The following POLR2I variants were observed in gnomAD, a reference collection of about 807,000 sequenced individuals.
POLR2I encodes the protein RNA polymerase II subunit I, also known as DNA-directed RNA polymerase II subunit RPB9.
In POLR2I, 15 loss-of-function variants were observed where a neutral mutation model predicts 23.0. The ratio of observed to expected loss-of-function variants is 0.65; its 90% confidence interval spans 0.44 to 1.00. The LOEUF (loss-of-function observed/expected upper bound fraction) is 1.00, where lower values mean the gene tolerates loss of function less well. Among genes scored for constraint, POLR2I ranks in the 50% least tolerant of loss-of-function variants. POLR2I has a pLI of 0.00. For missense variants in POLR2I, 120 were observed against 173.7 expected, an observed-to-expected ratio of 0.69 and a Z score of 1.74; for synonymous variants, 72 against 65.4, an observed-to-expected ratio of 1.10 and a Z score of -0.49.
rs1973900553 is a variant in POLR2I, at chr19:36,114,297, A to T, written c.188+42T>A. 6.2e-7 allele frequency: 1 copy of T among 1,612,822 alleles called. No individual in the cohort carries two copies. The highest frequency in any genetic ancestry group is 1.3e-5 in the African/African-American group (1 of 74,778). ...AAAATTACGCTCAGACCCAGCCTCC[A>T]GAGCCAACACCCCCGCCCCCAGCTC... On this transcript the variant is annotated intron_variant, in intron 3 of 5. Transcript: ENST00000221859. The surrounding 1 kb of genome is among the most constrained non-coding windows in gnomAD (Gnocchi z 4.5).
intron 5 of POLR2I, 94 bp from the exon 6 acceptor site, chr19:36,113,911 C>A: frequency 1.9e-6 from 3 of 1,575,780 alleles, no homozygotes; most frequent in Non-Finnish European, 2.6e-6. Context: ...TAGGTAAGGG[C>A]CCGGCAGAGT....
In POLR2I at chr19:36,114,153, C is replaced by T. The variant is rs758151373; in HGVS notation, c.263+24G>A. On this transcript the variant is annotated intron_variant, in intron 4 of 5. Coordinates refer to ENST00000221859, the MANE Select transcript of POLR2I (RefSeq NM_006233.5). This position sits in a 1 kb window ranked among gnomAD's most constrained non-coding sequence, Gnocchi z 4.5. ...TGAGGAGACGAGCCTCACTTTACCT[C>T]CCCAGTACCAGCTGAACGCTCACTT... The T allele has an allele frequency of 1.4e-5, 22 of 1,613,904 alleles. No homozygotes were observed. In the Admixed American group the frequency reaches 2.2e-4, roughly 16 times the overall value.
Position 36,113,718 on chromosome 19 carries a change from G to A in POLR2I, c.*37C>T. The A allele has an allele frequency of 6.2e-7, 1 of 1,606,284 alleles. No homozygotes were observed. Among genetic ancestry groups the A allele is most frequent in the Non-Finnish European group, 8.5e-7 (1 of 1,176,442 alleles). ...AATAAACACAGAAAACTCACGCATGGAATCTGGTGTTTATTACACTCGGGG... is the reference window on the plus strand; with the variant it reads ...AATAAACACAGAAAACTCACGCATGAAATCTGGTGTTTATTACACTCGGGG... On this transcript the variant is annotated 3_prime_UTR_variant, in exon 6 of 6. Transcript: ENST00000221859.
At position 36,114,094 on chromosome 19, in the gene POLR2I, A is replaced by T. The variant is rs1236057234; in HGVS notation, c.264-28T>A. 1 of 1,613,770 alleles carries T rather than the reference A, an allele frequency of 6.2e-7. No homozygotes were observed. Among genetic ancestry groups the T allele is most frequent in the South Asian group, 1.1e-5 (1 of 91,078 alleles). On this transcript the variant is annotated intron_variant, in intron 4 of 5. Coordinates refer to ENST00000221859, the MANE Select transcript of POLR2I (RefSeq NM_006233.5). The surrounding 1 kb of genome is among the most constrained non-coding windows in gnomAD (Gnocchi z 4.5). ...GAGAGGGTAGGGGCTCGGTCACCGG[A>T]GGCTTCACACCCTTCCCTCCTCCCT... is the stretch of plus-strand genomic sequence containing the variant.
chr19:36,114,516 C>T lies in POLR2I; in HGVS notation c.115-104G>A, dbSNP rs1481277179. On this transcript the variant is annotated intron_variant, in intron 2 of 5. Coordinates refer to ENST00000221859, the MANE Select transcript of POLR2I (RefSeq NM_006233.5). The surrounding 1 kb of genome is among the most constrained non-coding windows in gnomAD (Gnocchi z 4.5). The stretch of plus-strand genomic sequence containing the variant: ...CCGGAGGATATGACGACAGGACTCT[C>T]TTTGGGGATGGGCAGGACATGAGAG... 5.2e-6 allele frequency: 7 copies of T among 1,337,978 alleles called. No homozygotes were observed. The highest frequency in any genetic ancestry group is 3.5e-5 in the Admixed American group (2 of 57,196). The allele number at this position is 1,337,978 out of a possible 1,614,324, so 82.9% of individuals were successfully genotyped here. A position where few individuals can be genotyped will look rare whatever the true frequency, so the allele number is the denominator to read the frequency against.
rs1973905765 is a variant in POLR2I at position 36,114,512 on chromosome 19, C to T, written c.115-100G>A. 1 of 1,352,938 alleles carries T rather than the reference C, an allele frequency of 7.4e-7. No individual in the cohort carries two copies. Among genetic ancestry groups the T allele is most frequent in the Non-Finnish European group, 1.1e-6 (1 of 950,128 alleles). The allele number at this position is 1,352,938 out of a possible 1,614,324, so 83.8% of individuals were successfully genotyped here. ...GATCCCGGAGGATATGACGACAGGA[C>T]TCTCTTTGGGGATGGGCAGGACATG... On this transcript the variant is annotated intron_variant, in intron 2 of 5. Coordinates refer to ENST00000221859, the MANE Select transcript of POLR2I (RefSeq NM_006233.5). This position sits in a 1 kb window ranked among gnomAD's most constrained non-coding sequence, Gnocchi z 4.5.
rs758865837 is a variant in POLR2I at position 36,113,846 on chromosome 19, G to T, written c.316-29C>A. 8 of 1,611,048 alleles carry T rather than the reference G, an allele frequency of 5.0e-6. No homozygotes were observed. The African/African-American group carries it at 9.4e-5, about 19-fold the overall frequency. On this transcript the variant is annotated intron_variant, in intron 5 of 5. Coordinates refer to ENST00000221859, the MANE Select transcript of POLR2I (RefSeq NM_006233.5). The stretch of plus-strand genomic sequence containing the variant: ...GCAGAAATGATGCATGGTTAGGAAG[G>T]ATTTGGACCCAGCAGCGCCTTACCC...
In POLR2I at chr19:36,114,784, T is replaced by A. The variant is rs551195625; in HGVS notation, c.59+14A>T. On this transcript the variant is annotated intron_variant, in intron 1 of 5. Transcript: ENST00000221859. The surrounding 1 kb of genome is among the most constrained non-coding windows in gnomAD (Gnocchi z 4.5). Reference sequence around the variant, plus strand: ...TCGCCCGCCTTCTAACATCACCCGCTCCCTCCGCCTCACCATTCCTGGCAG... The same window carrying A: ...TCGCCCGCCTTCTAACATCACCCGCACCCTCCGCCTCACCATTCCTGGCAG... 6.2e-6 allele frequency: 10 copies of A among 1,614,072 alleles called. No homozygotes were observed. The South Asian group carries it at 1.1e-4, about 18-fold the overall frequency.
Position 36,114,636 on chromosome 19 carries a change from C to CG in POLR2I, c.114+22_114+23insC. 1 of 1,596,468 alleles carries CG rather than the reference C, an allele frequency of 6.3e-7. No homozygotes were observed. The highest frequency in any genetic ancestry group is 1.3e-5 in the African/African-American group (1 of 74,736). On this transcript the variant is annotated intron_variant, in intron 2 of 5. Transcript: ENST00000221859. The surrounding 1 kb of genome is among the most constrained non-coding windows in gnomAD (Gnocchi z 4.5). ...GCCACGCTGGGAACAGGTGGACCTGCCGGGGAAGACCCCGGCGCTCACCGC... is the reference window on the plus strand; with the variant it reads ...GCCACGCTGGGAACAGGTGGACCTGCGCGGGGAAGACCCCGGCGCTCACCGC...
In POLR2I at chr19:36,114,628, T is replaced by G. The variant is rs1599860869; in HGVS notation, c.114+31A>C. The G allele has an allele frequency of 1.3e-6, 2 of 1,592,724 alleles. No individual in the cohort carries two copies. Among genetic ancestry groups the G allele is most frequent in the Non-Finnish European group, 8.6e-7 (1 of 1,165,440 alleles). The stretch of plus-strand genomic sequence containing the variant: ...AGGGCGGGGCCACGCTGGGAACAGG[T>G]GGACCTGCCGGGGAAGACCCCGGCG... On this transcript the variant is annotated intron_variant, in intron 2 of 5. Transcript: ENST00000221859. This position sits in a 1 kb window ranked among gnomAD's most constrained non-coding sequence, Gnocchi z 4.5.
chr19:36,114,715 T>C lies in POLR2I; in HGVS notation c.60-2A>G, dbSNP rs1973910751. 6.2e-7 allele frequency: 1 copy of C among 1,612,998 alleles called. No homozygotes were observed. The highest frequency in any genetic ancestry group is 1.7e-5 in the Admixed American group (1 of 59,970). On this transcript the variant is annotated splice_acceptor_variant, in intron 1 of 5. Coordinates refer to ENST00000221859, the MANE Select transcript of POLR2I (RefSeq NM_006233.5). LOFTEE classifies it high-confidence loss of function. This position sits in a 1 kb window ranked among gnomAD's most constrained non-coding sequence, Gnocchi z 4.5. ...TCCTTGGGGTACAGCATGTTGTTAC[T>C]GTGGGGAGGGGGAGGTGCCAGGGGT...
Position 36,114,332 on chromosome 19 carries a change from C to T in POLR2I, c.188+7G>A. 1 of 1,614,012 alleles carries T rather than the reference C, an allele frequency of 6.2e-7. No homozygotes were observed. The highest frequency in any genetic ancestry group is 8.5e-7 in the Non-Finnish European group (1 of 1,179,932). ...CCCCCGCCCCCAGCTCAGGGCCCGC[C>T]ACTCACTCCACTTCGTGCGTGATCT... On this transcript the variant is annotated splice_region_variant and intron_variant, in intron 3 of 5. Transcript: ENST00000221859. The surrounding 1 kb of genome is among the most constrained non-coding windows in gnomAD (Gnocchi z 4.5).
Position 36,113,807 on chromosome 19 carries a change from C to T in POLR2I, c.326G>A (p.Arg109His). ...SHSARAEDAMRLYYVCTAPHC... is the reference protein window; with the variant it reads ...SHSARAEDAMHLYYVCTAPHC... Reference sequence around the variant, plus strand: ...TGGGGCTGTGCACACGTAGTAAAGGCGCATGGCGTCCTGGCAGAAATGATG... The same window carrying T: ...TGGGGCTGTGCACACGTAGTAAAGGTGCATGGCGTCCTGGCAGAAATGATG... The change falls in exon 6 of 6, where the codon CGC becomes CAC. Residue 109 changes from arginine (R) to histidine (H), a missense_variant. Physicochemically the swap from Arg to His is conservative, Grantham distance 29 (BLOSUM62 0). Transcript: ENST00000221859. The T allele has an allele frequency of 6.2e-7, 1 of 1,612,824 alleles. No individual in the cohort carries two copies. Among genetic ancestry groups the T allele is most frequent in the Non-Finnish European group, 8.5e-7 (1 of 1,179,914 alleles).
chr19:36,113,852 G>A, intron 5 of POLR2I, 35 bp from the exon 6 acceptor site: 1 of 1,609,826 alleles, frequency 6.2e-7, no homozygotes. Flanking sequence ...GAAGGATTTG[G>A]ACCCAGCAGC....
chr19:36,114,828 C>T lies in POLR2I; in HGVS notation c.29G>A (p.Gly10Asp). 2 of 1,614,140 alleles carry T rather than the reference C, an allele frequency of 1.2e-6. No homozygotes were observed. The highest frequency in any genetic ancestry group is 1.7e-6 in the Non-Finnish European group (2 of 1,180,030). Reference protein sequence around the residue: MEPDGTYEPGFVGIRFCQEC... With the variant: MEPDGTYEPDFVGIRFCQEC... ...CTGGCAGAAGCGAATACCCACGAAG[C>T]CCGGCTCGTAAGTCCCGTCGGGCTC... Residue 10 changes from glycine to aspartate, a missense_variant, in exon 1 of 6, where the codon GGC (glycine) becomes GAC (aspartate). By Grantham distance (94) the Gly-to-Asp change is moderately conservative. Transcript: ENST00000221859. This position sits in a 1 kb window ranked among gnomAD's most constrained non-coding sequence, Gnocchi z 4.5.
chr19:36,114,170 C>A lies in POLR2I; in HGVS notation c.263+7G>T. 6.2e-7 allele frequency: 1 copy of A among 1,614,120 alleles called. No homozygotes were observed. Among genetic ancestry groups the A allele is most frequent in the Non-Finnish European group, 8.5e-7 (1 of 1,179,980 alleles). Reference sequence around the variant, plus strand: ...CTTTACCTCCCCAGTACCAGCTGAACGCTCACTTTTGGCACGGGTGGTCCT... The same window carrying A: ...CTTTACCTCCCCAGTACCAGCTGAAAGCTCACTTTTGGCACGGGTGGTCCT... On this transcript the variant is annotated splice_region_variant and intron_variant, in intron 4 of 5. Transcript: ENST00000221859. The surrounding 1 kb of genome is among the most constrained non-coding windows in gnomAD (Gnocchi z 4.5).
rs1387654043 is a variant in POLR2I, at chr19:36,114,486, TG to T, written c.115-75del. On this transcript the variant is annotated intron_variant, in intron 2 of 5. Transcript: ENST00000221859. The surrounding 1 kb of genome is among the most constrained non-coding windows in gnomAD (Gnocchi z 4.5). ...ACAAGATTGGGAGGAGAGGGCAGGG[TG>T]ATCCCGGAGGATATGACGACAGGAC... 1 of 1,451,534 alleles carries T rather than the reference TG, an allele frequency of 6.9e-7. No homozygotes were observed. Among genetic ancestry groups the T allele is most frequent in the African/African-American group, 1.4e-5 (1 of 71,550 alleles). 89.9% of individuals were successfully genotyped at this position (1,451,534 alleles called of 1,614,324 possible).
At position 36,114,281 on chromosome 19, in the gene POLR2I, C is replaced by A; in HGVS notation, c.189-30G>T. 6.2e-7 allele frequency: 1 copy of A among 1,613,606 alleles called. No homozygotes were observed. Among genetic ancestry groups the A allele is most frequent in the Non-Finnish European group, 8.5e-7 (1 of 1,179,786 alleles). On this transcript the variant is annotated intron_variant, in intron 3 of 5. Coordinates refer to ENST00000221859, the MANE Select transcript of POLR2I (RefSeq NM_006233.5). This position sits in a 1 kb window ranked among gnomAD's most constrained non-coding sequence, Gnocchi z 4.5. ...AGGGACGCGGGGGTGCAAAATTACG[C>A]TCAGACCCAGCCTCCAGAGCCAACA...
In POLR2I at chr19:36,114,536, TGAGA is replaced by T; in HGVS notation, c.114+119_114+122del. ...ACTCTCTTTGGGGATGGGCAGGACA[TGAGA>T]GTCAGGATCACTTGAGGTGCAGCGG... is the stretch of plus-strand genomic sequence containing the variant. On this transcript the variant is annotated intron_variant, in intron 2 of 5. Transcript: ENST00000221859. This position sits in a 1 kb window ranked among gnomAD's most constrained non-coding sequence, Gnocchi z 4.5. The T allele has an allele frequency of 2.5e-5, 33 of 1,299,048 alleles. No individual in the cohort carries two copies. The highest frequency in any genetic ancestry group is 3.6e-5 in the Non-Finnish European group (33 of 904,262). 80.5% of individuals were successfully genotyped at this position (1,299,048 alleles called of 1,614,324 possible). A position where few individuals can be genotyped will look rare whatever the true frequency, so the allele number is the denominator to read the frequency against.
Sources: gnomAD v4.1 joint callset for allele counts on GRCh38, gnomAD v4.1.1 for gene constraint, Gnocchi (gnomAD v3.1) non-coding constraint, MANE v1.5 for transcripts, NCBI Gene and HGNC (gene_info 2026-07-23, HGNC 2026-07-21) for gene names.